The following RMST variants were observed in gnomAD, a reference collection of about 807,000 sequenced individuals.
RMST encodes the protein long intergenic non-protein coding RNA 54.
intron 5 of RMST, among the ~76,000 whole-genome samples, chr12:97,473,506 A>G (rs1244667032): frequency 1.3e-5 from 2 of 152,112 alleles, no homozygotes; most frequent in Non-Finnish European, 2.9e-5. Flanking sequence ...GCTTGTGCCT[A>G]TCTTTTGAAA....
chr12:97,539,751 C>T (rs1411649537), intron 11 of RMST, among the ~76,000 whole-genome samples: 1 of 151,590 alleles, frequency 6.6e-6, no homozygotes, highest in Non-Finnish European at 1.5e-5. Flanking sequence ...GATGTCAAAT[C>T]GGAACCAGGG....
At chr12:97,527,457 C>T (rs529556773) in intron 10 of RMST, among the ~76,000 whole-genome samples, 3 of 152,224 alleles carry the variant, frequency 2.0e-5, no homozygotes, top group South Asian at 2.1e-4. Flanking sequence ...GTGACTGCTC[C>T]GAGTTGGACT....
intron 5 of RMST, among the ~76,000 whole-genome samples, chr12:97,483,159 T>C (rs777794516): frequency 3.3e-5 from 5 of 152,156 alleles, no homozygotes; most frequent in Non-Finnish European, 7.4e-5. Flanking sequence ...ATTTCAAAGG[T>C]TCCCATATTA....
At chr12:97,491,696 C>A in intron 5 of RMST, 1 of 264,806 alleles carries the variant, frequency 3.8e-6, no homozygotes, top group South Asian at 3.8e-5. Context: ...TTTCGATACC[C>A]ATATGCATCA....
exon 10 of RMST, chr12:97,496,021 A>G (rs1480792701): frequency 6.6e-6 from 1 of 152,166 alleles, no homozygotes; most frequent in Non-Finnish European, 1.5e-5. Context: ...TAACATTTTG[A>G]AAGCCCAGCC....
intron 10 of RMST, among the ~76,000 whole-genome samples, chr12:97,498,504 T>C (rs1877715519): frequency 6.6e-6 from 1 of 152,232 alleles, no homozygotes; most frequent in South Asian, 2.1e-4. Context: ...TGACGAGTCT[T>C]AGCAATGATC....
chr12:97,483,956 C>A (rs560443807), intron 5 of RMST, among the ~76,000 whole-genome samples: 1 of 152,202 alleles, frequency 6.6e-6, no homozygotes, highest in East Asian at 1.9e-4. Context: ...TTTATATAAC[C>A]ATTTTATACT....
intron 10 of RMST, among the ~76,000 whole-genome samples, chr12:97,529,098 A>G (rs1443585906): frequency 6.6e-6 from 1 of 152,058 alleles, no homozygotes; most frequent in African/African-American, 2.4e-5. Context: ...ATAATTTCTA[A>G]GAATTTCTGA....
intron 10 of RMST, among the ~76,000 whole-genome samples, chr12:97,499,521 T>C (rs1015134727): frequency 2.6e-5 from 4 of 152,166 alleles, no homozygotes; most frequent in African/African-American, 9.7e-5. Flanking sequence ...TTATCAGAGG[T>C]GGAAATAGAA....
intron 11 of RMST, among the ~76,000 whole-genome samples, chr12:97,542,750 C>T (rs560741246): frequency 3.3e-5 from 5 of 152,026 alleles, no homozygotes; most frequent in East Asian, 1.9e-4. Flanking sequence ...GGCAGAGTTT[C>T]GGTGTATTTG....
intron 5 of RMST, among the ~76,000 whole-genome samples, chr12:97,472,315 C>T (rs1410557191): frequency 6.6e-6 from 1 of 152,108 alleles, no homozygotes; most frequent in East Asian, 1.9e-4. Context: ...CATACATGGA[C>T]TCTCATCAGA....
intron 10 of RMST, among the ~76,000 whole-genome samples, chr12:97,529,059 G>A (rs1007846304): frequency 3.3e-5 from 5 of 151,988 alleles, no homozygotes; most frequent in Non-Finnish European, 5.9e-5. Context: ...CTCTCAGCAA[G>A]ATATCTATAT....
chr12:97,561,264 C>G (rs888782165), intron 13 of RMST, among the ~76,000 whole-genome samples: 8 of 152,294 alleles, frequency 5.3e-5, no homozygotes, highest in Admixed American at 2.0e-4. Flanking sequence ...CGGAAAGGCT[C>G]TCCTCCGAGC....
chr12:97,471,700 C>G (rs1873938097), intron 5 of RMST, among the ~76,000 whole-genome samples: 1 of 152,140 alleles, frequency 6.6e-6, no homozygotes, highest in Non-Finnish European at 1.5e-5. Context: ...GTTGGCATCT[C>G]ACTGCCACCT....
intron 5 of RMST, among the ~76,000 whole-genome samples, chr12:97,490,266 T>G (rs984445577): frequency 6.6e-6 from 1 of 152,182 alleles, no homozygotes; most frequent in African/African-American, 2.4e-5. Context: ...CACTTTTTAA[T>G]TTAAATCTCT....
chr12:97,541,683 A>G (rs1047484206), intron 11 of RMST, among the ~76,000 whole-genome samples: 5 of 151,252 alleles, frequency 3.3e-5, no homozygotes, highest in Admixed American at 3.3e-4. Flanking sequence ...TAAAATGTCT[A>G]GAGATTTCTT....
intron 10 of RMST, among the ~76,000 whole-genome samples, chr12:97,528,605 T>C (rs1881342880): frequency 6.6e-6 from 1 of 152,172 alleles, no homozygotes; most frequent in South Asian, 2.1e-4. Context: ...AAGAGAAATG[T>C]CTACTTTGAA....
At chr12:97,512,012 C>T (rs999809879) in intron 10 of RMST, among the ~76,000 whole-genome samples, 2 of 152,190 alleles carry the variant, frequency 1.3e-5, no homozygotes, top group African/African-American at 4.8e-5. Flanking sequence ...GTGAGTGTTA[C>T]AGTTCTTAAA....
intron 10 of RMST, among the ~76,000 whole-genome samples, chr12:97,515,779 A>G (rs1454883938): frequency 1.3e-5 from 2 of 152,138 alleles, no homozygotes; most frequent in Non-Finnish European, 2.9e-5. Flanking sequence ...AAAAATGAGC[A>G]TTGATGAAGC....
Sources: gnomAD v4.1 joint callset for allele counts (sites outside exome capture counted in the v4.1 genomes callset) on GRCh38, gnomAD v4.1.1 for gene constraint, MANE v1.5 for transcripts, NCBI Gene and HGNC (gene_info 2026-07-23, HGNC 2026-07-21) for gene names.